The following VPS13A variants were observed in gnomAD, a reference collection of about 807,000 sequenced individuals.
The protein encoded by VPS13A is vacuolar protein sorting 13 homolog A.
VPS13A carries 264 observed loss-of-function variants against 390.9 expected under a neutral mutation model. The ratio of observed to expected loss-of-function variants is 0.68; its 90% CI spans 0.61 to 0.75. VPS13A has a LOEUF of 0.75. VPS13A is among the 30% of genes least tolerant of loss of function. The pLI is 0.00. For missense variants in VPS13A, 3,409 were observed against 3,733.9 expected, an observed-to-expected ratio of 0.91 and a Z score of 2.27; for synonymous variants, 1,231 against 1,227.1, an observed-to-expected ratio of 1.00 and a Z score of -0.07.
At chr9:77,369,816 C>G (rs1209174174) in intron 63 of VPS13A, among the ~76,000 whole-genome samples, 1 of 152,124 alleles carries the variant, frequency 6.6e-6, no homozygotes. Flanking sequence ...CCAAAAGACT[C>G]CTACTTCCAC....
intron 31 of VPS13A, among the ~76,000 whole-genome samples, chr9:77,285,647 G>C (rs913794257): frequency 6.6e-6 from 1 of 152,036 alleles, no homozygotes; most frequent in Non-Finnish European, 1.5e-5. Flanking sequence ...GAAATGAGTT[G>C]GGAAATGCTT....
At chr9:77,302,454 C>T (rs2131393006) in intron 33 of VPS13A, among the ~76,000 whole-genome samples, 1 of 144,582 alleles carries the variant, frequency 6.9e-6, no homozygotes, top group Non-Finnish European at 1.5e-5. Flanking sequence ...CTCACTGCAA[C>T]CTCCACCTCC....
intron 3 of VPS13A, among the ~76,000 whole-genome samples, chr9:77,203,583 T>A (rs1825457868): frequency 6.6e-6 from 1 of 152,192 alleles, no homozygotes; most frequent in African/African-American, 2.4e-5. Flanking sequence ...CCACTGCGCC[T>A]GGTCAAGTTT....
chr9:77,307,055 C>T (rs773074459), intron 34 of VPS13A, among the ~76,000 whole-genome samples: 9 of 151,840 alleles, frequency 5.9e-5, no homozygotes, highest in Non-Finnish European at 1.3e-4. Flanking sequence ...TACAGGTGTG[C>T]ACTATGCCTG....
intron 59 of VPS13A, among the ~76,000 whole-genome samples, chr9:77,364,582 T>C (rs1420318162): frequency 6.6e-6 from 1 of 152,200 alleles, no homozygotes; most frequent in East Asian, 1.9e-4. Flanking sequence ...AATTGAGGAC[T>C]GGGCCAAGAA....
At chr9:77,197,095 T>A (rs1165064957) in intron 1 of VPS13A, among the ~76,000 whole-genome samples, 1 of 152,200 alleles carries the variant, frequency 6.6e-6, no homozygotes, top group African/African-American at 2.4e-5. Flanking sequence ...TGATGGGTGA[T>A]GCTGAGCCTT....
Position 77,351,463 on chromosome 9 carries a change from T to G in VPS13A, c.7419+17T>G. On this transcript the variant is annotated intron_variant, in intron 53 of 71. Coordinates refer to ENST00000360280, the MANE Select transcript of VPS13A (RefSeq NM_033305.3). ...CAGAAGGATGTAAGTATTGGGTTATTATGGTGTTCCCAGCAGCCTTTTTTA... is the reference window on the plus strand; with the variant it reads ...CAGAAGGATGTAAGTATTGGGTTATGATGGTGTTCCCAGCAGCCTTTTTTA... 1.2e-6 allele frequency: 2 copies of G among 1,611,734 alleles called. No individual in the cohort carries two copies. Among genetic ancestry groups the G allele is most frequent in the Non-Finnish European group, 1.7e-6 (2 of 1,178,378 alleles).
intron 17 of VPS13A, among the ~76,000 whole-genome samples, chr9:77,231,466 A>G (rs973854105): frequency 2.0e-5 from 3 of 152,072 alleles, no homozygotes; most frequent in African/African-American, 7.2e-5. Context: ...TTTAAATTAT[A>G]GCCATCCTTA....
chr9:77,407,243 C>T (rs145989339), intron 70 of VPS13A, among the ~76,000 whole-genome samples: 16 of 152,350 alleles, frequency 1.1e-4, no homozygotes, highest in African/African-American at 3.4e-4. Context: ...TACTCCCCAA[C>T]TTACCTCCTT....
chr9:77,292,305 A>G (rs73467922), intron 31 of VPS13A, among the ~76,000 whole-genome samples: 3,781 of 152,234 alleles, frequency 0.025, 126 homozygotes, highest in African/African-American at 0.073. Flanking sequence ...ATTGTATAGT[A>G]TCTGACATCT....
intron 1 of VPS13A, 159 bp downstream of exon 1, chr9:77,177,963 G>T: frequency 1.6e-6 from 1 of 630,708 alleles, no homozygotes; most frequent in South Asian, 1.9e-5. Context: ...AAAGCCGGGC[G>T]GCAGTTCCCT....
intron 7 of VPS13A, chr9:77,211,153 T>C: frequency 6.4e-6 from 1 of 156,520 alleles, no homozygotes; most frequent in East Asian, 1.8e-4. Context: ...AATGGATGGC[T>C]GTTAAATTAA....
chr9:77,309,746 A>G (rs1828957855), intron 35 of VPS13A, among the ~76,000 whole-genome samples: 1 of 152,156 alleles, frequency 6.6e-6, no homozygotes, highest in Non-Finnish European at 1.5e-5. Context: ...GACCTAAGTA[A>G]ATATTGAAGG....
At chr9:77,268,209 T>G (rs1469675796) in intron 23 of VPS13A, among the ~76,000 whole-genome samples, 3 of 152,218 alleles carry the variant, frequency 2.0e-5, no homozygotes, top group Non-Finnish European at 4.4e-5. Context: ...AGAAAGCTCC[T>G]TCAGCTAGCT....
At chr9:77,236,420 G>C (rs2131225093) in intron 17 of VPS13A, among the ~76,000 whole-genome samples, 2 of 152,236 alleles carry the variant, frequency 1.3e-5, no homozygotes, top group South Asian at 4.1e-4. Context: ...TTGATGTTTT[G>C]AGTGGTATAA....
At chr9:77,180,599 G>C (rs1823949933) in intron 1 of VPS13A, among the ~76,000 whole-genome samples, 1 of 152,102 alleles carries the variant, frequency 6.6e-6, no homozygotes, top group Admixed American at 6.5e-5. Flanking sequence ...TTTTGTATAA[G>C]GTGTGTGATA....
At chr9:77,250,602 T>C (rs1282159688) in intron 21 of VPS13A, among the ~76,000 whole-genome samples, 1 of 152,208 alleles carries the variant, frequency 6.6e-6, no homozygotes, top group East Asian at 1.9e-4. Flanking sequence ...TTGACCAAAG[T>C]TGGCCCATAT....
chr9:77,416,278 AAAG>A lies in VPS13A; in HGVS notation c.*277_*279del, dbSNP rs147672353. On this transcript the variant is annotated 3_prime_UTR_variant, in exon 72 of 72. Transcript: ENST00000360280. ...TATTTATAATTCTAATTATTTTGTA[AAAG>A]AAGACAAAATTATGAATCTTAAGTA... 6.3e-3 allele frequency: 2,280 copies of A among 360,390 alleles called. 14 individuals are homozygous for A. The highest frequency in any genetic ancestry group is 0.012 in the South Asian group (420 of 35,008). The allele number at this position is 360,390 out of a possible 1,614,324, so 22.3% of individuals were successfully genotyped here.
At chr9:77,262,958 A>T (rs931266200) in intron 23 of VPS13A, among the ~76,000 whole-genome samples, 1 of 152,056 alleles carries the variant, frequency 6.6e-6, no homozygotes, top group African/African-American at 2.4e-5. Flanking sequence ...CAGTAATGGG[A>T]TTGCTGGGTC....
Sources: gnomAD v4.1 joint callset for allele counts (sites outside exome capture counted in the v4.1 genomes callset) on GRCh38, gnomAD v4.1.1 for gene constraint, MANE v1.5 for transcripts, NCBI Gene and HGNC (gene_info 2026-07-23, HGNC 2026-07-21) for gene names.